The following EZR variants were observed in gnomAD, a reference collection of about 807,000 sequenced individuals.
The protein encoded by EZR is ezrin.
EZR carries 40 observed loss-of-function variants against 74.8 expected under a neutral mutation model. That is an observed-to-expected ratio of 0.53 (90% CI 0.42 to 0.70). EZR has a LOEUF of 0.70. EZR is among the 30% of genes least tolerant of loss of function. The pLI, the probability that EZR is intolerant of heterozygous loss-of-function variation, is 0.00. For missense variants in EZR, 678 were observed against 755.8 expected, an observed-to-expected ratio of 0.90 and a Z score of 1.21; for synonymous variants, 341 against 283.3, an observed-to-expected ratio of 1.20 and a Z score of -2.05.
At chr6:158,817,469 G>C (rs188380362) in intron 2 of EZR, among the ~76,000 whole-genome samples, 28 of 152,274 alleles carry the variant, frequency 1.8e-4, no homozygotes, top group Middle Eastern at 6.8e-3. Context: ...AAACTCCACC[G>C]GCTGCCTGCA....
intron 5 of EZR, 92 bp downstream of exon 5, chr6:158,785,217 T>C (rs1791542370): frequency 6.6e-7 from 1 of 1,506,170 alleles, no homozygotes; most frequent in African/African-American, 1.4e-5. Context: ...GCGAAGTCCT[T>C]GTGTTTTTAA....
rs768124082 is a variant in EZR, at chr6:158,776,543, CAT to C, written c.699-41_699-40del. 5 of 1,424,588 alleles carry C rather than the reference CAT, an allele frequency of 3.5e-6. No individual in the cohort carries two copies. In the East Asian group the frequency reaches 1.1e-4, roughly 32 times the overall value. The allele number at this position is 1,424,588 out of a possible 1,614,324, so 88.2% of individuals were successfully genotyped here. On this transcript the variant is annotated intron_variant, in intron 7 of 13. Transcript: ENST00000367075. ...GAAGAAGTGGATGGTTAGATGTATA[CAT>C]ATGTTCTTGGATTGGCTAAGAGAGA... is the stretch of plus-strand genomic sequence containing the variant.
At chr6:158,813,505 CATGGCAA>C (rs1777490248) in intron 2 of EZR, among the ~76,000 whole-genome samples, 1 of 152,240 alleles carries the variant, frequency 6.6e-6, no homozygotes, top group Non-Finnish European at 1.5e-5. Context: ...CTCACTGCCA[CATGGCAA>C]AATGTTAGCT....
chr6:158,782,521 T>G (rs1314042162), intron 7 of EZR, among the ~76,000 whole-genome samples: 1 of 152,226 alleles, frequency 6.6e-6, no homozygotes, highest in African/African-American at 2.4e-5. Context: ...ATCCAGGAAC[T>G]CTGGGCCACT....
intron 9 of EZR, 121 bp from the exon 10 acceptor site, chr6:158,771,015 C>G (rs1022653293): frequency 6.9e-7 from 1 of 1,455,628 alleles, no homozygotes; most frequent in African/African-American, 1.4e-5. Flanking sequence ...GCCACCCTAG[C>G]CTGCTGCCAG....
intron 2 of EZR, among the ~76,000 whole-genome samples, chr6:158,808,242 C>T (rs1053078533): frequency 2.6e-5 from 4 of 152,126 alleles, no homozygotes; most frequent in Non-Finnish European, 4.4e-5. Context: ...TTTAAGGCTG[C>T]CAGGTGGAGG....
intron 2 of EZR, among the ~76,000 whole-genome samples, chr6:158,807,294 G>A (rs1174639206): frequency 4.3e-5 from 6 of 141,092 alleles, no homozygotes; most frequent in East Asian, 2.3e-4. Flanking sequence ...CAGCCTGGGC[G>A]ACAGACAGAG....
chr6:158,776,497 G>C lies in EZR; in HGVS notation c.706C>G (p.Pro236Ala), dbSNP rs991049986. ...TCACTCCAAGGAAAGCCAATCTTTG[G>C]GGTTAACCTGAGGTTAAAAAGAAGA... ...NIYEKDDKLT[P>A]KIGFPWSEIR... Residue 236 changes from proline to alanine, a missense_variant, in exon 8 of 14, where the codon CCA becomes GCA. By Grantham distance (27) the Pro-to-Ala change is conservative. Transcript: ENST00000367075. 3 of 1,611,628 alleles carry C rather than the reference G, an allele frequency of 1.9e-6. No individual in the cohort carries two copies. The highest frequency in any genetic ancestry group is 2.5e-6 in the Non-Finnish European group (3 of 1,179,042).
intron 2 of EZR, among the ~76,000 whole-genome samples, chr6:158,805,369 A>G (rs947805702): frequency 1.3e-5 from 2 of 151,180 alleles, no homozygotes; most frequent in Non-Finnish European, 2.9e-5. Context: ...AAAAGGTCGA[A>G]AAATTTCTTT....
rs765542814 is a variant in EZR, at chr6:158,782,206, G to A, written c.698+1314C>T. Reference sequence around the variant, plus strand: ...TGTGCAGTATCACCACGTGGGCCCCGGAGGTGAGAGGAGGTTGGGCACAGC... The same window carrying A: ...TGTGCAGTATCACCACGTGGGCCCCAGAGGTGAGAGGAGGTTGGGCACAGC... On this transcript the variant is annotated intron_variant, in intron 7 of 13. Transcript: ENST00000367075. Among the ~76,000 whole-genome samples, 36 of 152,158 alleles carry A rather than the reference G, an allele frequency of 2.4e-4. 1 individual carries two copies. Among genetic ancestry groups the A allele is most frequent in the Non-Finnish European group, 4.1e-4 (28 of 68,030 alleles).
At chr6:158,803,648 T>TATAC (rs1777265682) in intron 2 of EZR, among the ~76,000 whole-genome samples, 3 of 59,942 alleles carry the variant, frequency 5.0e-5, no homozygotes, top group African/African-American at 1.5e-4. Context: ...TATATATATA[T>TATAC]ATATACATAT....
rs764710402 is a variant in EZR at position 158,785,553 on chromosome 6, G to C, written c.223C>G (p.Pro75Ala). 18 of 1,614,080 alleles carry C rather than the reference G, an allele frequency of 1.1e-5. No individual in the cohort carries two copies. The highest frequency in any genetic ancestry group is 1.5e-5 in the Non-Finnish European group (18 of 1,179,988). Residue 75 changes from proline to alanine, a missense_variant, in exon 5 of 14, where the codon CCC becomes GCC. Pro to Ala is a conservative substitution (Grantham distance 27). Around this residue, in one of 3 missense-constraint regions of EZR, gnomAD observed 217 missense variants for 232.2 expected, o/e 0.93. Transcript: ENST00000367075. Reference sequence around the variant, plus strand: ...TTGGCCCGGAACTTGAACTGGAGGGGATTCTCCTTCCTGACCTCCTGGGCA... The same window carrying C: ...TTGGCCCGGAACTTGAACTGGAGGGCATTCTCCTTCCTGACCTCCTGGGCA... ...VSAQEVRKENPLQFKFRAKFY... is the reference protein window; with the variant it reads ...VSAQEVRKENALQFKFRAKFY...
In EZR at chr6:158,767,274, T is replaced by C. The variant is rs1790912553; in HGVS notation, c.1583A>G (p.Gln528Arg). 5.6e-6 allele frequency: 9 copies of C among 1,612,930 alleles called. No individual in the cohort carries two copies. The highest frequency in any genetic ancestry group is 5.1e-6 in the Non-Finnish European group (6 of 1,179,276). ...ITEAEKNERV[Q>R]RQLLTLSSEL... ...CTTGGGCCTCACCAGCAGCTGCCGCTGCACACGCTCGTTCTTCTCTGCCTC... is the reference window on the plus strand; with the variant it reads ...CTTGGGCCTCACCAGCAGCTGCCGCCGCACACGCTCGTTCTTCTCTGCCTC... Residue 528 changes from glutamine (Q) to arginine (R), a missense_variant, in exon 13 of 14, where the codon CAG becomes CGG. Transcript: ENST00000367075.
chr6:158,786,981 T>C (rs16889176), intron 4 of EZR, 127 bp downstream of exon 4: 18,713 of 698,142 alleles, frequency 0.027, 1,420 homozygotes, highest in African/African-American at 0.22. Context: ...CCTTTTTGTC[T>C]GTAAAAACTT....
chr6:158,770,930 ACT>A, intron 9 of EZR, 36 bp from the exon 10 acceptor site: 1 of 1,613,806 alleles, frequency 6.2e-7, no homozygotes, highest in South Asian at 1.1e-5. Flanking sequence ...GGAGATTTAG[ACT>A]CTGGCAGGAA....
rs774821624 is a variant in EZR, at chr6:158,766,882, G to GC, written c.*31dup. The GC allele has an allele frequency of 1.2e-6, 2 of 1,600,242 alleles. No individual in the cohort carries two copies. Among genetic ancestry groups the GC allele is most frequent in the Admixed American group, 1.7e-5 (1 of 59,250 alleles). On this transcript the variant is annotated 3_prime_UTR_variant, in exon 14 of 14. Transcript: ENST00000367075. ...GCGGGGCTGGCAGCGCCCGCTATGA[G>GC]CACCCCTCTGCCCTTGGTCCTGGCC...
intron 7 of EZR, among the ~76,000 whole-genome samples, chr6:158,779,428 G>A (rs1445868489): frequency 6.6e-6 from 1 of 152,208 alleles, no homozygotes; most frequent in Non-Finnish European, 1.5e-5. Flanking sequence ...ATGAGGTCTA[G>A]AGACTGCTAA....
chr6:158,813,575 C>T (rs1777491707), intron 2 of EZR, among the ~76,000 whole-genome samples: 2 of 152,224 alleles, frequency 1.3e-5, no homozygotes, highest in African/African-American at 2.4e-5. Context: ...ACAGATGCTA[C>T]GCATCCTCCT....
intron 2 of EZR, among the ~76,000 whole-genome samples, chr6:158,810,379 C>T (rs1201511174): frequency 2.0e-5 from 3 of 152,064 alleles, no homozygotes; most frequent in Non-Finnish European, 4.4e-5. Flanking sequence ...CCGGGAGGCC[C>T]TCCCTGGTCT....
Sources: gnomAD v4.1 joint callset for allele counts (sites outside exome capture counted in the v4.1 genomes callset) on GRCh38, gnomAD v4.1.1 for gene constraint, gnomAD v4.1.1 regional missense constraint, MANE v1.5 for transcripts, NCBI Gene and HGNC (gene_info 2026-07-23, HGNC 2026-07-21) for gene names.